The following VPS33B variants were observed in gnomAD, a reference collection of about 807,000 sequenced individuals.
VPS33B encodes the protein VPS33B late endosome and lysosome associated, also known as vacuolar protein sorting-associated protein 33B.
A neutral mutation model predicts 95.3 loss-of-function variants in VPS33B; 80 were observed. The observed-to-expected ratio is 0.84, with a 90% CI of 0.70 to 1.01. The LOEUF (loss-of-function observed/expected upper bound fraction) is 1.01, where lower values mean the gene tolerates loss of function less well. Ranked by LOEUF, VPS33B falls within the 50% of genes least tolerant of loss-of-function variation. The probability of loss-of-function intolerance (pLI) is 0.00; values close to 1 mark genes in which losing one functional copy is unlikely to be tolerated. For missense variants in VPS33B, 715 were observed against 773.4 expected (o/e 0.92, Z 0.90); for synonymous variants, 280 against 280.4 (o/e 1.00, Z 0.01).
In VPS33B at chr15:90,998,870, A is replaced by G; in HGVS notation, c.*105T>C. 8.3e-7 allele frequency: 1 copy of G among 1,204,478 alleles called. No homozygotes were observed. Among genetic ancestry groups the G allele is most frequent in the Non-Finnish European group, 1.2e-6 (1 of 823,212 alleles). 74.6% of individuals were successfully genotyped at this position (1,204,478 alleles called of 1,614,324 possible). A position where few individuals can be genotyped will look rare whatever the true frequency, so the allele number is the denominator to read the frequency against. ...AACACGTTCCATGCTCCCGGCTCTT[A>G]GCAGGTAGTTGGTGGACACTTGGTT... is the stretch of plus-strand genomic sequence containing the variant. On this transcript the variant is annotated 3_prime_UTR_variant, in exon 23 of 23. Coordinates refer to ENST00000333371, the MANE Select transcript of VPS33B (RefSeq NM_018668.5). The surrounding 1 kb of genome is among the most constrained non-coding windows in gnomAD (Gnocchi z 4.8).
rs1366670872 is a variant in VPS33B, at chr15:91,007,622, C to A, written c.499-49G>T. 6.3e-7 allele frequency: 1 copy of A among 1,597,460 alleles called. No individual in the cohort carries two copies. The highest frequency in any genetic ancestry group is 8.6e-7 in the Non-Finnish European group (1 of 1,165,024). ...AAGATATGAATCAACCCAGTAGGAC[C>A]ACCTGGAAAGTGGCTAGCCCTAGAA... On this transcript the variant is annotated intron_variant, in intron 7 of 22. Transcript: ENST00000333371. This position sits in a 1 kb window ranked among gnomAD's most constrained non-coding sequence, Gnocchi z 5.3.
rs1323699114 is a variant in VPS33B at position 91,001,389 on chromosome 15, C to T, written c.1479G>A (p.Leu493=). 2 of 1,613,082 alleles carry T rather than the reference C, an allele frequency of 1.2e-6. No homozygotes were observed. Among genetic ancestry groups the T allele is most frequent in the South Asian group, 1.1e-5 (1 of 91,040 alleles). The stretch of plus-strand genomic sequence containing the variant: ...CCCTAACCATCCCTGTTCCACATAC[C>T]AAATTCAGCTTTTTGCTGATGGCAC... ...NFRAISKKLN[L]IPRVDGEYDL... The change falls in exon 19 of 23, where the codon TTG becomes TTA. Residue 493 remains leucine, a splice_region_variant and synonymous_variant. Coordinates refer to ENST00000333371, the MANE Select transcript of VPS33B (RefSeq NM_018668.5).
rs1424353034 is a variant in VPS33B at position 91,003,107 on chromosome 15, G to T, written c.1250C>A (p.Ser417Tyr). The part of the protein sequence containing the change: ...ENGLIPKDYR[S>Y]LKTQYLQSYG... ...TACCTGCAGATACTGTGTTTTCAGA[G>T]ATCGGTAATCCTTGGGGATCAAACC... The change falls in exon 17 of 23, where the codon TCT (serine) becomes TAT (tyrosine). Residue 417 changes from serine to tyrosine, a missense_variant. Transcript: ENST00000333371. The T allele has an allele frequency of 2.5e-6, 4 of 1,614,056 alleles. No individual in the cohort carries two copies. In the East Asian group the frequency reaches 6.7e-5, roughly 27 times the overall value.
In VPS33B at chr15:90,998,846, A is replaced by C. The variant is rs547341980; in HGVS notation, c.*129T>G. 2.1e-6 allele frequency: 2 copies of C among 938,770 alleles called. No homozygotes were observed. The highest frequency in any genetic ancestry group is 5.2e-5 in the East Asian group (2 of 38,568). The allele number at this position is 938,770 out of a possible 1,614,324, so 58.2% of individuals were successfully genotyped here. On this transcript the variant is annotated 3_prime_UTR_variant, in exon 23 of 23. Transcript: ENST00000333371. The surrounding 1 kb of genome is among the most constrained non-coding windows in gnomAD (Gnocchi z 4.8). ...CTCAGATAATGTTCTCTAAATCCCA[A>C]CACGTTCCATGCTCCCGGCTCTTAG...
In VPS33B at chr15:91,010,086, G is replaced by A. The variant is rs1172531204; in HGVS notation, c.358-240C>T. ...TGCTTCTTATCTCCCTGAGAGAATG[G>A]AAGAGGTTTACAAAGGAGAAGGAGT... is the stretch of plus-strand genomic sequence containing the variant. On this transcript the variant is annotated intron_variant, in intron 5 of 22. Transcript: ENST00000333371. This position sits in a 1 kb window ranked among gnomAD's most constrained non-coding sequence, Gnocchi z 5.7. 6.6e-6 allele frequency among the ~76,000 whole-genome samples: 1 copy of A among 152,228 alleles called. No individual in the cohort carries two copies. Among genetic ancestry groups the A allele is most frequent in the Non-Finnish European group, 1.5e-5 (1 of 68,046 alleles).
In VPS33B at chr15:90,999,546, T is replaced by C. The variant is rs1596348066; in HGVS notation, c.1774+131A>G. The C allele has an allele frequency of 1.1e-6, 1 of 940,050 alleles. No individual in the cohort carries two copies. Among genetic ancestry groups the C allele is most frequent in the East Asian group, 2.4e-5 (1 of 41,188 alleles). 58.2% of individuals were successfully genotyped at this position (940,050 alleles called of 1,614,324 possible). A position where few individuals can be genotyped will look rare whatever the true frequency, so the allele number is the denominator to read the frequency against. ...GTTGGTCAGGCTAGGCTCTAACTCC[T>C]GACCTCAGGTGATCTGCCCGCCTCC... On this transcript the variant is annotated intron_variant, in intron 22 of 22. Transcript: ENST00000333371. This position sits in a 1 kb window ranked among gnomAD's most constrained non-coding sequence, Gnocchi z 5.1.
At chr15:91,004,845 T>C (rs1362815979) in intron 16 of VPS33B, 32 bp downstream of exon 16, 2 of 1,613,592 alleles carry the variant, frequency 1.2e-6, no homozygotes, top group Non-Finnish European at 1.7e-6. Context: ...TTTCTCAATC[T>C]GACATTCTCA....
chr15:91,006,181 T>TCTG lies in VPS33B; in HGVS notation c.853-125_853-123dup. The TCTG allele has an allele frequency of 7.4e-7, 1 of 1,352,692 alleles. No individual in the cohort carries two copies. The highest frequency in any genetic ancestry group is 1.0e-6 in the Non-Finnish European group (1 of 956,686). 83.8% of individuals were successfully genotyped at this position (1,352,692 alleles called of 1,614,324 possible). A position where few individuals can be genotyped will look rare whatever the true frequency, so the allele number is the denominator to read the frequency against. Reference sequence around the variant, plus strand: ...AAATACAAAGAAAGCTGAGCTGGGATCTGTAAGTCCATATCAAATGCCTAC... The same window carrying TCTG: ...AAATACAAAGAAAGCTGAGCTGGGATCTGCTGTAAGTCCATATCAAATGCCTAC... On this transcript the variant is annotated intron_variant, in intron 11 of 22. Coordinates refer to ENST00000333371, the MANE Select transcript of VPS33B (RefSeq NM_018668.5). This position sits in a 1 kb window ranked among gnomAD's most constrained non-coding sequence, Gnocchi z 5.4.
rs759376433 is a variant in VPS33B at position 91,011,228 on chromosome 15, C to T, written c.358-1382G>A. On this transcript the variant is annotated intron_variant, in intron 5 of 22. Transcript: ENST00000333371. This position sits in a 1 kb window ranked among gnomAD's most constrained non-coding sequence, Gnocchi z 5.5. ...TGAGAAAGAATGCTGAGGGCACTCA[C>T]ATCTGATAATGAGTTGACATTATTA... 1.9e-4 allele frequency among the ~76,000 whole-genome samples: 29 copies of T among 152,210 alleles called. No individual in the cohort carries two copies. The highest frequency in any genetic ancestry group is 4.0e-4 in the Non-Finnish European group (27 of 68,042).
At chr15:91,003,612 G>A (rs182577280) in intron 16 of VPS33B, among the ~76,000 whole-genome samples, 1 of 152,026 alleles carries the variant, frequency 6.6e-6, no homozygotes, top group African/African-American at 2.4e-5. Flanking sequence ...GCTAATTTTT[G>A]TATTTTTAGT....
chr15:91,007,398 G>C lies in VPS33B; in HGVS notation c.603+71C>G. 4.2e-6 allele frequency: 6 copies of C among 1,442,092 alleles called. No homozygotes were observed. Among genetic ancestry groups the C allele is most frequent in the Non-Finnish European group, 5.9e-6 (6 of 1,023,436 alleles). The allele number at this position is 1,442,092 out of a possible 1,614,324, so 89.3% of individuals were successfully genotyped here. A position where few individuals can be genotyped will look rare whatever the true frequency, so the allele number is the denominator to read the frequency against. ...ACACCTCATATCACAGGTGCCCTTGGATAACCCCAGGAGGGTACAGAACAG... is the reference window on the plus strand; with the variant it reads ...ACACCTCATATCACAGGTGCCCTTGCATAACCCCAGGAGGGTACAGAACAG... On this transcript the variant is annotated intron_variant, in intron 8 of 22. Coordinates refer to ENST00000333371, the MANE Select transcript of VPS33B (RefSeq NM_018668.5). This position sits in a 1 kb window ranked among gnomAD's most constrained non-coding sequence, Gnocchi z 5.3.
chr15:91,007,500 G>A lies in VPS33B; in HGVS notation c.572C>T (p.Pro191Leu), dbSNP rs770015890. Residue 191 changes from proline (P) to leucine (L), a missense_variant, in exon 8 of 23, where the codon CCA becomes CTA. Physicochemically the swap from Pro to Leu is moderately conservative, Grantham distance 98. Coordinates refer to ENST00000333371, the MANE Select transcript of VPS33B (RefSeq NM_018668.5). The surrounding 1 kb of genome is among the most constrained non-coding windows in gnomAD (Gnocchi z 5.3). The part of the protein sequence containing the change: ...HLLSTLYGPF[P>L]NCYGIGRCAK... ...GCACCTGCCAATTCCATAGCAGTTTGGAAAGGGTCCATAGAGAGTGCTGAG... is the reference window on the plus strand; with the variant it reads ...GCACCTGCCAATTCCATAGCAGTTTAGAAAGGGTCCATAGAGAGTGCTGAG... 2 of 1,614,218 alleles carry A rather than the reference G, an allele frequency of 1.2e-6. No homozygotes were observed. The highest frequency in any genetic ancestry group is 2.2e-5 in the South Asian group (2 of 91,088).
In VPS33B at chr15:91,005,888, A is replaced by G; in HGVS notation, c.939+85T>C. 1.9e-6 allele frequency: 3 copies of G among 1,602,848 alleles called. No individual in the cohort carries two copies. Among genetic ancestry groups the G allele is most frequent in the South Asian group, 1.1e-5 (1 of 90,678 alleles). On this transcript the variant is annotated intron_variant, in intron 12 of 22. Coordinates refer to ENST00000333371, the MANE Select transcript of VPS33B (RefSeq NM_018668.5). The surrounding 1 kb of genome is among the most constrained non-coding windows in gnomAD (Gnocchi z 6.4). ...CATGAGAAAGGACAGGGAACCTGTC[A>G]TAGTATTAGAAGGGGAGCCCAAGGG...
At chr15:91,001,701 TTTA>T (rs1377662843) in intron 18 of VPS33B, among the ~76,000 whole-genome samples, 2 of 151,772 alleles carry the variant, frequency 1.3e-5, no homozygotes, top group Non-Finnish European at 2.9e-5. Flanking sequence ...GTAACCCGAG[TTTA>T]TTGGTATGTG....
Position 91,017,871 on chromosome 15 carries a change from C to A in VPS33B, c.111G>T (p.Lys37Asn), listed in dbSNP as rs756780467. The A allele has an allele frequency of 1.1e-4, 183 of 1,613,896 alleles. No individual in the cohort carries two copies. The highest frequency in any genetic ancestry group is 1.5e-4 in the Non-Finnish European group (180 of 1,179,964). Residue 37 changes from lysine (K) to asparagine (N), a missense_variant, in exon 2 of 23, where the codon AAG becomes AAT. By Grantham distance (94) the Lys-to-Asn change is moderately conservative. Coordinates refer to ENST00000333371, the MANE Select transcript of VPS33B (RefSeq NM_018668.5). ...IYLLEQLPGK[K>N]DLFIEADLMS... ...TGAGATCTGCCTCAATGAATAAATC[C>A]TTTTTTCCAGGAAGCTGAAGGAGAC...
Position 91,003,761 on chromosome 15 carries a change from A to G in VPS33B, c.1226-630T>C, listed in dbSNP as rs1167903896. 3.3e-5 allele frequency among the ~76,000 whole-genome samples: 5 copies of G among 152,286 alleles called. No individual in the cohort carries two copies. The East Asian group carries it at 9.7e-4, about 29-fold the overall frequency. On this transcript the variant is annotated intron_variant, in intron 16 of 22. Transcript: ENST00000333371. ...CAGACTCATGCATTTCTTTCTGGCT[A>G]AGGGGCAGTTCTACTAGGAACTGCT...
intron 2 of VPS33B, among the ~76,000 whole-genome samples, chr15:91,017,265 G>A (rs1025766350): frequency 6.7e-6 from 1 of 149,500 alleles, no homozygotes. Flanking sequence ...GCTCATGCCT[G>A]TAATCCCAGC....
At position 91,003,106 on chromosome 15, in the gene VPS33B, A is replaced by G; in HGVS notation, c.1251T>C (p.Ser417=). ...TTACCTGCAGATACTGTGTTTTCAG[A>G]GATCGGTAATCCTTGGGGATCAAAC... is the stretch of plus-strand genomic sequence containing the variant. ...ENGLIPKDYR[S]LKTQYLQSYG... The change falls in exon 17 of 23, where the codon TCT becomes TCC. Residue 417 remains serine, a synonymous_variant. Coordinates refer to ENST00000333371, the MANE Select transcript of VPS33B (RefSeq NM_018668.5). The G allele has an allele frequency of 6.2e-7, 1 of 1,614,202 alleles. No homozygotes were observed. The highest frequency in any genetic ancestry group is 1.1e-5 in the South Asian group (1 of 91,092).
chr15:91,022,528 A>G lies in VPS33B; in HGVS notation c.-279T>C, dbSNP rs1422769544. The G allele has an allele frequency of 6.1e-6, 2 of 327,068 alleles. No homozygotes were observed. The highest frequency in any genetic ancestry group is 1.1e-5 in the Non-Finnish European group (2 of 179,226). The allele number at this position is 327,068 out of a possible 1,614,324, so 20.3% of individuals were successfully genotyped here. ...CTGCCCGTCAGCAGGATTCCGGTCT[A>G]CACCCCGCAGAGACTCCGCAGCGTA... On this transcript the variant is annotated 5_prime_UTR_variant, in exon 1 of 23. Coordinates refer to ENST00000333371, the MANE Select transcript of VPS33B (RefSeq NM_018668.5).
Sources: allele counts gnomAD v4.1 joint callset (sites outside exome capture counted in the v4.1 genomes callset), GRCh38; gene constraint gnomAD v4.1.1; non-coding constraint Gnocchi (gnomAD v3.1); transcripts MANE v1.5; gene names NCBI Gene and HGNC (gene_info 2026-07-23, HGNC 2026-07-21).